Variants in DDC observed in about 807,000 individuals in gnomAD.
The protein encoded by DDC is dopa decarboxylase.
A neutral mutation model predicts 60.0 loss-of-function variants in DDC; 43 were observed. The observed-to-expected ratio is 0.72, with a 90% CI of 0.56 to 0.92. DDC has a LOEUF of 0.92. DDC is among the 40% of genes least tolerant of loss of function. The pLI, the probability that DDC is intolerant of heterozygous loss-of-function variation, is 0.00. For missense variants in DDC, 573 were observed against 620.2 expected (o/e 0.92, Z 0.81); for synonymous variants, 232 against 234.6 (o/e 0.99, Z 0.10).
intron 12 of DDC, among the ~76,000 whole-genome samples, chr7:50,468,061 C>T (rs1420027612): frequency 6.6e-6 from 1 of 152,402 alleles, no homozygotes; most frequent in Non-Finnish European, 1.5e-5. Context: ...AGGCCCGTGC[C>T]TTGCTCATTC....
intron 4 of DDC, among the ~76,000 whole-genome samples, chr7:50,532,203 A>G (rs367925392): frequency 6.6e-6 from 1 of 152,182 alleles, no homozygotes; most frequent in Non-Finnish European, 1.5e-5. Context: ...ACAGACAATC[A>G]GCCTTGTCTG....
At chr7:50,529,003 C>A (rs1044614701) in intron 5 of DDC, among the ~76,000 whole-genome samples, 1 of 152,152 alleles carries the variant, frequency 6.6e-6, no homozygotes, top group African/African-American at 2.4e-5. Context: ...GGTGATGTCT[C>A]CACACATTTA....
chr7:50,467,409 T>C, intron 12 of DDC, 94 bp from the exon 13 acceptor site: 1 of 1,042,176 alleles, frequency 9.6e-7, no homozygotes, highest in Non-Finnish European at 1.5e-6. Flanking sequence ...CCATGTATAA[T>C]TCATTTAGAC....
At chr7:50,467,108 CA>C in intron 13 of DDC, 105 bp downstream of exon 13, 1 of 1,033,608 alleles carries the variant, frequency 9.7e-7, no homozygotes, top group Non-Finnish European at 1.5e-6. Context: ...TTTGCTCTGC[CA>C]TCTCTGGAGA....
chr7:50,524,377 G>C (rs1240680918), intron 6 of DDC, among the ~76,000 whole-genome samples: 3 of 152,124 alleles, frequency 2.0e-5, no homozygotes, highest in Admixed American at 1.3e-4. Flanking sequence ...GCTAATAATG[G>C]GGGAAATGAA....
chr7:50,537,599 G>T (rs549044850), intron 4 of DDC, among the ~76,000 whole-genome samples: 2 of 152,346 alleles, frequency 1.3e-5, no homozygotes, highest in East Asian at 3.9e-4. Context: ...TGAGATAGCG[G>T]CTGTGCTACC....
At chr7:50,565,042 TC>T (rs900912973) in intron 1 of DDC, among the ~76,000 whole-genome samples, 3 of 152,116 alleles carry the variant, frequency 2.0e-5, no homozygotes, top group Admixed American at 2.0e-4. Context: ...ATGAAATCAT[TC>T]CCAGCACCTA....
At chr7:50,500,707 G>A (rs1006814337) in intron 7 of DDC, among the ~76,000 whole-genome samples, 1 of 152,212 alleles carries the variant, frequency 6.6e-6, no homozygotes, top group African/African-American at 2.4e-5. Flanking sequence ...CCATGCCCTG[G>A]GGTGGATATC....
chr7:50,484,403 T>C (rs926437196), intron 9 of DDC, among the ~76,000 whole-genome samples: 2 of 152,192 alleles, frequency 1.3e-5, no homozygotes, highest in African/African-American at 4.8e-5. Flanking sequence ...TTTCAATTGA[T>C]GTCTGTTTTG....
chr7:50,494,685 G>A (rs1554420628), intron 9 of DDC, among the ~76,000 whole-genome samples: 1 of 146,084 alleles, frequency 6.8e-6, no homozygotes, highest in Non-Finnish European at 1.5e-5. Flanking sequence ...TTTTTTTTTT[G>A]AGACAGAGTC....
chr7:50,525,770 AT>A lies in DDC; in HGVS notation c.714+2366del, dbSNP rs998588235. 5.9e-5 allele frequency among the ~76,000 whole-genome samples: 9 copies of A among 152,150 alleles called. No homozygotes were observed. The East Asian group carries it at 1.5e-3, about 26-fold the overall frequency. On this transcript the variant is annotated intron_variant, in intron 6 of 14. Coordinates refer to ENST00000444124, the MANE Select transcript of DDC (RefSeq NM_001082971.2). ...TAGAGTGAGACTCTGTCTCAAAAAAATAAAATAAAATAAAATAAGTTAAAAT... is the reference window on the plus strand; with the variant it reads ...TAGAGTGAGACTCTGTCTCAAAAAAAAAAATAAAATAAAATAAGTTAAAAT...
chr7:50,538,036 G>A (rs977437397), intron 3 of DDC, 57 bp from the exon 4 acceptor site: 1 of 1,610,152 alleles, frequency 6.2e-7, no homozygotes, highest in Non-Finnish European at 8.5e-7. Flanking sequence ...GAATTTGGGG[G>A]TCAGCAGTAA....
rs561959860 is a variant in DDC at position 50,461,917 on chromosome 7, T to G, written c.*18+1296A>C. Reference sequence around the variant, plus strand: ...AAAGGACCTGGTTCTCAGGGCACATTTTGACTCAGAAGGTAGCCCTTTGGC... The same window carrying G: ...AAAGGACCTGGTTCTCAGGGCACATGTTGACTCAGAAGGTAGCCCTTTGGC... On this transcript the variant is annotated intron_variant, in intron 14 of 14. Coordinates refer to ENST00000444124, the MANE Select transcript of DDC (RefSeq NM_001082971.2). 3.3e-5 allele frequency among the ~76,000 whole-genome samples: 5 copies of G among 152,266 alleles called. No individual in the cohort carries two copies. In the South Asian group the frequency reaches 1.0e-3, roughly 32 times the overall value.
chr7:50,463,337 A>G lies in DDC; in HGVS notation c.1337T>C (p.Leu446Pro), dbSNP rs760853902. 1 of 1,614,252 alleles carries G rather than the reference A, an allele frequency of 6.2e-7. No homozygotes were observed. The highest frequency in any genetic ancestry group is 8.5e-7 in the Non-Finnish European group (1 of 1,180,038). Residue 446 changes from leucine (L) to proline (P), a missense_variant, in exon 14 of 15, where the codon CTG (leucine) becomes CCG (proline). By Grantham distance (98) the Leu-to-Pro change is moderately conservative. Coordinates refer to ENST00000444124, the MANE Select transcript of DDC (RefSeq NM_001082971.2). Reference protein sequence around the residue: ...VPCHLRDKFVLRFAICSRTVE... With the variant: ...VPCHLRDKFVPRFAICSRTVE... Reference sequence around the variant, plus strand: ...CGTGCGAGAACAGATGGCAAAGCGCAGGACAAACTTGTCCCTGAGGTGACA... The same window carrying G: ...CGTGCGAGAACAGATGGCAAAGCGCGGGACAAACTTGTCCCTGAGGTGACA...
chr7:50,541,522 A>T (rs954595436), intron 2 of DDC: 6 of 152,236 alleles, frequency 3.9e-5, no homozygotes, highest in Admixed American at 3.9e-4. Context: ...CCTTAATAAG[A>T]TTAGTGCCCC....
intron 6 of DDC, among the ~76,000 whole-genome samples, chr7:50,520,256 C>A (rs1585222705): frequency 1.3e-5 from 2 of 152,096 alleles, no homozygotes; most frequent in Admixed American, 6.5e-5. Flanking sequence ...CAACATTCAC[C>A]AAGATATACC....
chr7:50,549,535 T>C (rs1333128420), intron 1 of DDC, among the ~76,000 whole-genome samples: 1 of 151,726 alleles, frequency 6.6e-6, no homozygotes, highest in East Asian at 1.9e-4. Flanking sequence ...GCTCCTGTAG[T>C]CCCAGCTACT....
chr7:50,492,990 C>G, intron 9 of DDC: 2 of 1,598,242 alleles, frequency 1.3e-6, no homozygotes, highest in Non-Finnish European at 1.7e-6. Flanking sequence ...TTAACATACG[C>G]ACTGGTTGTC....
At chr7:50,465,223 C>A (rs188072966) in intron 13 of DDC, among the ~76,000 whole-genome samples, 147 of 152,226 alleles carry the variant, frequency 9.7e-4, no homozygotes, top group African/African-American at 3.4e-3. Flanking sequence ...AATAGACAAA[C>A]CTACAGAGAC....
Sources: gnomAD v4.1 joint callset for allele counts (sites outside exome capture counted in the v4.1 genomes callset) on GRCh38, gnomAD v4.1.1 for gene constraint, MANE v1.5 for transcripts, NCBI Gene and HGNC (gene_info 2026-07-23, HGNC 2026-07-21) for gene names.